Variants in TMEM235 observed in about 807,000 individuals in gnomAD.
The protein encoded by TMEM235 is transmembrane protein 235.
TMEM235 carries 23 observed loss-of-function variants against 22.9 expected under a neutral mutation model. The ratio of observed to expected loss-of-function variants is 1.00; its 90% CI spans 0.72 to 1.42. The LOEUF is 1.42. Among genes scored for constraint, TMEM235 ranks in the 40% most tolerant of loss-of-function variants. The pLI is 0.00. For missense variants in TMEM235, 308 were observed against 299.5 expected (o/e 1.03, Z -0.21); for synonymous variants, 137 against 140.5 (o/e 0.98, Z 0.17).
chr17:78,231,441 C>T (rs1257012925), exon 2 of TMEM235: 5 of 1,298,998 alleles, frequency 3.8e-6, no homozygotes, highest in South Asian at 1.2e-5. Flanking sequence ...GCCCCCCGCC[C>T]GGCTGTGGGG....
chr17:78,231,779 G>T (rs1371086168), exon 2 of TMEM235: 2 of 1,221,712 alleles, frequency 1.6e-6, no homozygotes, highest in Non-Finnish European at 2.1e-6. Flanking sequence ...TCGCCGCGCG[G>T]CTCTCGACTT....
At chr17:78,233,614 G>A in intron 2 of TMEM235, among the ~76,000 whole-genome samples, 1 of 151,500 alleles carries the variant, frequency 6.6e-6, no homozygotes, top group Non-Finnish European at 1.5e-5. Context: ...AGAATGGCGC[G>A]AAACCGGGAG....
At chr17:78,239,080 G>GCGGAGA (rs2076678293) in exon 5 of TMEM235, 1 of 1,544,364 alleles carries the variant, frequency 6.5e-7, no homozygotes, top group African/African-American at 1.4e-5. Flanking sequence ...CCTGGCCTTT[G>GCGGAGA]CGGAGACGGT....
chr17:78,231,807 G>C (rs988799520), exon 2 of TMEM235: 2 of 1,210,142 alleles, frequency 1.7e-6, no homozygotes, highest in East Asian at 6.0e-5. Flanking sequence ...TTTCCCCCAG[G>C]GGCGAGCTCA....
At chr17:78,240,024 G>A (rs1207009570) in exon 6 of TMEM235, 4 of 1,515,956 alleles carry the variant, frequency 2.6e-6, no homozygotes, top group Non-Finnish European at 3.6e-6. Flanking sequence ...AAGCCTGCTA[G>A]GTACTTTTCA....
At chr17:78,232,906 T>C (rs1240493448) in intron 2 of TMEM235, among the ~76,000 whole-genome samples, 1 of 152,122 alleles carries the variant, frequency 6.6e-6, no homozygotes, top group Non-Finnish European at 1.5e-5. Context: ...AATATGAATA[T>C]GTGAGTGTGA....
intron 2 of TMEM235, among the ~76,000 whole-genome samples, chr17:78,233,212 C>T (rs1421674942): frequency 2.0e-5 from 3 of 152,246 alleles, no homozygotes; most frequent in Non-Finnish European, 2.9e-5. Flanking sequence ...TATGTATGCC[C>T]ACATGACACG....
At chr17:78,234,816 C>T in intron 4 of TMEM235, 86 bp downstream of exon 3, 1 of 1,494,432 alleles carries the variant, frequency 6.7e-7, no homozygotes, top group Non-Finnish European at 8.9e-7. Flanking sequence ...CTCCTGTTGC[C>T]CTCGTCCCCT....
chr17:78,234,379 G>C (rs1267786790), intron 3 of TMEM235: 1 of 762,594 alleles, frequency 1.3e-6, no homozygotes, highest in African/African-American at 1.7e-5. Flanking sequence ...TGGGGATGGG[G>C]GCTGGGAGTG....
chr17:78,232,097 C>A, exon 2 of TMEM235: 1 of 1,471,476 alleles, frequency 6.8e-7, no homozygotes, highest in Non-Finnish European at 8.9e-7. Context: ...CTGGCCGCCG[C>A]GGTCGCCAGC....
rs570535006 is a variant in TMEM235 at position 78,235,369 on chromosome 17, C to A, written c.409+639C>A. On this transcript the variant is annotated intron_variant, in intron 4 of 5. Transcript: ENST00000421688. ...ATCGCATGATCTCGACTCACTGCAACCTCCGCATCCTGGGTTCGAGCAATT... is the reference window on the plus strand; with the variant it reads ...ATCGCATGATCTCGACTCACTGCAAACTCCGCATCCTGGGTTCGAGCAATT... 1.2e-4 allele frequency among the ~76,000 whole-genome samples: 18 copies of A among 151,988 alleles called. 2 individuals are homozygous for A. Among genetic ancestry groups the A allele is most frequent in the African/African-American group, 4.3e-4 (18 of 41,412 alleles).
At chr17:78,239,325 G>T (rs544307079) in intron 5 of TMEM235, 52 bp downstream of exon 4, 1 of 1,504,462 alleles carries the variant, frequency 6.6e-7, no homozygotes, top group Non-Finnish European at 8.9e-7. Context: ...GGCGGTCAGG[G>T]CCAGGGCCCC....
At chr17:78,234,723 G>A (rs1347833444) in exon 4 of TMEM235, 1 of 1,536,042 alleles carries the variant, frequency 6.5e-7, no homozygotes, top group African/African-American at 1.4e-5. Flanking sequence ...GCTACTTCCT[G>A]CTGGGGAGTG....
chr17:78,238,948 C>T lies in TMEM235; in HGVS notation c.410-76C>T. 1 of 1,479,222 alleles carries T rather than the reference C, an allele frequency of 6.8e-7. No individual in the cohort carries two copies. The highest frequency in any genetic ancestry group is 9.0e-7 in the Non-Finnish European group (1 of 1,112,140). The allele number at this position is 1,479,222 out of a possible 1,614,324, so 91.6% of individuals were successfully genotyped here. A position where few individuals can be genotyped will look rare whatever the true frequency, so the allele number is the denominator to read the frequency against. On this transcript the variant is annotated intron_variant, in intron 4 of 5. Coordinates refer to ENST00000421688, the Ensembl canonical transcript of TMEM235. This position sits in a 1 kb window ranked among gnomAD's most constrained non-coding sequence, Gnocchi z 4.3. The stretch of plus-strand genomic sequence containing the variant: ...CTAGCGGGGCCGGGGATGCTGAGGC[C>T]ATGTCTGCAGGACCACCTGGGCCTG...
chr17:78,231,645 C>G, exon 2 of TMEM235: 1 of 1,300,714 alleles, frequency 7.7e-7, no homozygotes, highest in Non-Finnish European at 1.0e-6. Context: ...CCTGCACAGC[C>G]CGGCCAGGCA....
chr17:78,239,035 C>G (rs2076677135), exon 5 of TMEM235: 1 of 1,540,078 alleles, frequency 6.5e-7, no homozygotes, highest in Non-Finnish European at 8.7e-7. Flanking sequence ...TGTCCTGACA[C>G]TGGCGGGGGT....
At chr17:78,234,850 G>A (rs1366344114) in intron 4 of TMEM235, 120 bp downstream of exon 3, 26 of 1,329,604 alleles carry the variant, frequency 2.0e-5, no homozygotes, top group Non-Finnish European at 2.4e-5. Context: ...CGGGTGCTGA[G>A]TCTGGCGATG....
Position 78,234,134 on chromosome 17 carries a change from C to G in TMEM235, c.271+159C>G, listed in dbSNP as rs936503459. 6.8e-6 allele frequency: 5 copies of G among 738,222 alleles called. No homozygotes were observed. The African/African-American group carries it at 8.6e-5, about 13-fold the overall frequency. The allele number at this position is 738,222 out of a possible 1,614,324, so 45.7% of individuals were successfully genotyped here. ...CCTGTCCCAGTGCTGTGCTGCTGTC[C>G]CTAACCACAGGTGCCCAGCTCCCAG... On this transcript the variant is annotated intron_variant, in intron 3 of 5. Coordinates refer to ENST00000421688, the Ensembl canonical transcript of TMEM235.
At chr17:78,235,756 A>T (rs1354769546) in intron 4 of TMEM235, among the ~76,000 whole-genome samples, 2 of 151,722 alleles carry the variant, frequency 1.3e-5, no homozygotes, top group Non-Finnish European at 2.9e-5. Flanking sequence ...ACCTGCCACC[A>T]CGCCCGGCTA....
Sources: allele counts gnomAD v4.1 joint callset (sites outside exome capture counted in the v4.1 genomes callset), GRCh38; gene constraint gnomAD v4.1.1; non-coding constraint Gnocchi (gnomAD v3.1); transcripts MANE v1.5; gene names NCBI Gene and HGNC (gene_info 2026-07-23, HGNC 2026-07-21).